The following C1QTNF2 variants were observed in gnomAD, a reference collection of about 807,000 sequenced individuals.
C1QTNF2 encodes the protein complement C1q tumor necrosis factor-related protein 2.
C1QTNF2 carries 15 observed loss-of-function variants against 17.4 expected under a neutral mutation model. The ratio of observed to expected loss-of-function variants is 0.86; its 90% CI spans 0.58 to 1.33. C1QTNF2 has a LOEUF of 1.33. Ranked by LOEUF, C1QTNF2 falls within the 40% of genes most tolerant of loss-of-function variation. The probability of loss-of-function intolerance (pLI) is 0.00; values close to 1 mark genes in which losing one functional copy is unlikely to be tolerated. For synonymous variants in C1QTNF2, 154 were observed against 163.3 expected, an observed-to-expected ratio of 0.94 and a Z score of 0.44; for missense variants, 381 against 392.3, an observed-to-expected ratio of 0.97 and a Z score of 0.24.
At chr5:160,354,597 A>AAAAAAAAAAAAAAAATATATAT (rs769774870) in intron 2 of C1QTNF2, among the ~76,000 whole-genome samples, 171 bp downstream of exon 2, 1 of 89,306 alleles carries the variant, frequency 1.1e-5, no homozygotes, top group African/African-American at 4.8e-5. Flanking sequence ...AAAAAAAAAA[A>AAAAAAAAAAAAAAAATATATAT]GTATATATAT....
chr5:160,361,932 C>T (rs1764160775), intron 1 of C1QTNF2, among the ~76,000 whole-genome samples: 1 of 152,220 alleles, frequency 6.6e-6, no homozygotes, highest in Non-Finnish European at 1.5e-5. Context: ...GACTTGTTAA[C>T]TCTCTGGCTC....
In C1QTNF2 at chr5:160,354,923, C is replaced by G. The variant is rs1271114115; in HGVS notation, c.89G>C (p.Gly30Ala). 6.3e-7 allele frequency: 1 copy of G among 1,597,974 alleles called. No individual in the cohort carries two copies. The highest frequency in any genetic ancestry group is 2.3e-5 in the East Asian group (1 of 44,268). ...CAGGCTGCAGACCAGTTGAGGGGAG[C>G]CTTTCCGGAAGTCCCTGCGAGCAAA... ...GAFARRDFRK[G>A]SPQLVCSLPG... The change falls in exon 2 of 3, where the codon GGC becomes GCC. Residue 30 changes from glycine to alanine, a missense_variant. Transcript: ENST00000652664.
intron 1 of C1QTNF2, among the ~76,000 whole-genome samples, chr5:160,367,258 C>T (rs961393755): frequency 8.5e-5 from 13 of 152,092 alleles, no homozygotes; most frequent in Non-Finnish European, 1.5e-4. Flanking sequence ...TTAACATCGA[C>T]GTTTGCAGCT....
chr5:160,352,201 G>A (rs929007936), intron 2 of C1QTNF2, among the ~76,000 whole-genome samples: 1 of 152,140 alleles, frequency 6.6e-6, no homozygotes, highest in South Asian at 2.1e-4. Context: ...GAGCCACCAC[G>A]CAGCCTCCAA....
chr5:160,369,863 A>G (rs1009653936), intron 1 of C1QTNF2, among the ~76,000 whole-genome samples: 1 of 152,218 alleles, frequency 6.6e-6, no homozygotes, highest in African/African-American at 2.4e-5. Context: ...GACAAAGCAT[A>G]TTAAGACAAG....
At position 160,350,870 on chromosome 5, in the gene C1QTNF2, C is replaced by G. The variant is rs1477173761; in HGVS notation, c.245-1089G>C. ...GGTTCACACCATTCTTCTGCCTCAG[C>G]CTCCTGAGTAGCTGGGACTACAGGC... is the stretch of plus-strand genomic sequence containing the variant. On this transcript the variant is annotated intron_variant, in intron 2 of 2. Coordinates refer to ENST00000652664, the MANE Select transcript of C1QTNF2 (RefSeq NM_031908.6). Among the ~76,000 whole-genome samples, 4 of 152,076 alleles carry G rather than the reference C, an allele frequency of 2.6e-5. No individual in the cohort carries two copies. The East Asian group carries it at 5.8e-4, about 22-fold the overall frequency.
intron 2 of C1QTNF2, among the ~76,000 whole-genome samples, chr5:160,351,943 C>T (rs534414706): frequency 7.4e-5 from 11 of 148,970 alleles, no homozygotes; most frequent in Admixed American, 2.7e-4. Context: ...TAGAGTCTCA[C>T]GCTGTTACGC....
At chr5:160,354,598 GTATATA>G (rs1172776724) in intron 2 of C1QTNF2, among the ~76,000 whole-genome samples, 164 bp downstream of exon 2, 42 of 30,880 alleles carry the variant, frequency 1.4e-3, no homozygotes, top group South Asian at 9.7e-3. Context: ...AAAAAAAAAA[GTATATA>G]TATATATATA....
At chr5:160,358,221 G>A (rs1388099135) in intron 1 of C1QTNF2, among the ~76,000 whole-genome samples, 1 of 152,226 alleles carries the variant, frequency 6.6e-6, no homozygotes, top group African/African-American at 2.4e-5. Context: ...TGGAAATAAA[G>A]GCGGGGAGAC....
chr5:160,365,422 T>C (rs1350826751), intron 1 of C1QTNF2, among the ~76,000 whole-genome samples: 4 of 152,128 alleles, frequency 2.6e-5, no homozygotes, highest in Non-Finnish European at 5.9e-5. Flanking sequence ...CCTAAACTTC[T>C]GATACAGGGC....
chr5:160,354,699 A>C, intron 2 of C1QTNF2, 69 bp downstream of exon 2: 1 of 1,583,952 alleles, frequency 6.3e-7, no homozygotes, highest in Non-Finnish European at 8.6e-7. Context: ...TATTAACTTC[A>C]TGATGCCCCC....
At chr5:160,357,668 T>C (rs1313778558) in intron 1 of C1QTNF2, among the ~76,000 whole-genome samples, 8 of 151,932 alleles carry the variant, frequency 5.3e-5, no homozygotes. Flanking sequence ...CATTTTGCAG[T>C]AGGGAGAGAA....
intron 1 of C1QTNF2, among the ~76,000 whole-genome samples, chr5:160,363,860 G>C (rs1414962594): frequency 2.0e-5 from 3 of 152,210 alleles, no homozygotes; most frequent in Non-Finnish European, 4.4e-5. Flanking sequence ...GCAGCTGTGC[G>C]AGATGTGAGG....
At chr5:160,369,861 A>T (rs1764317668) in intron 1 of C1QTNF2, among the ~76,000 whole-genome samples, 2 of 152,210 alleles carry the variant, frequency 1.3e-5, no homozygotes, top group African/African-American at 4.8e-5. Context: ...AGGACAAAGC[A>T]TATTAAGACA....
At chr5:160,370,380 C>G in intron 1 of C1QTNF2, 132 bp downstream of exon 1, 2 of 1,179,860 alleles carry the variant, frequency 1.7e-6, no homozygotes, top group Non-Finnish European at 2.2e-6. Context: ...AGCTGCCCAG[C>G]CCGCAATAAA....
At chr5:160,363,134 T>C (rs1764184352) in intron 1 of C1QTNF2, among the ~76,000 whole-genome samples, 1 of 152,208 alleles carries the variant, frequency 6.6e-6, no homozygotes, top group Non-Finnish European at 1.5e-5. Context: ...AAGGTTTGCT[T>C]GCAGATGAAG....
chr5:160,352,581 T>C (rs1763946536), intron 2 of C1QTNF2, among the ~76,000 whole-genome samples: 1 of 152,168 alleles, frequency 6.6e-6, no homozygotes, highest in Non-Finnish European at 1.5e-5. Context: ...AAGCTTTATC[T>C]ATTTGGGGAA....
At chr5:160,355,553 G>A (rs769545424) in intron 1 of C1QTNF2, among the ~76,000 whole-genome samples, 4 of 152,194 alleles carry the variant, frequency 2.6e-5, no homozygotes, top group Non-Finnish European at 4.4e-5. Context: ...GCAGGCCGTG[G>A]TAGCAGCTCC....
In C1QTNF2 at chr5:160,354,854, G is replaced by T; in HGVS notation, c.158C>A (p.Pro53His). 6.2e-7 allele frequency: 1 copy of T among 1,611,608 alleles called. No homozygotes were observed. Among genetic ancestry groups the T allele is most frequent in the South Asian group, 1.1e-5 (1 of 90,348 alleles). ...GCCCATTCGTCCCATCATTCCTGAGGGCCCTGGGGCTCCTGGGGGGCCGGG... is the reference window on the plus strand; with the variant it reads ...GCCCATTCGTCCCATCATTCCTGAGTGCCCTGGGGCTCCTGGGGGGCCGGG... ...GPPGPPGAPG[P>H]SGMMGRMGFP... Residue 53 changes from proline to histidine, a missense_variant, in exon 2 of 3, where the codon CCC becomes CAC. Pro to His is a moderately conservative substitution (Grantham distance 77, BLOSUM62 -2). Transcript: ENST00000652664.
Sources: allele counts gnomAD v4.1 joint callset (sites outside exome capture counted in the v4.1 genomes callset), GRCh38; gene constraint gnomAD v4.1.1; transcripts MANE v1.5; gene names NCBI Gene and HGNC (gene_info 2026-07-23, HGNC 2026-07-21).